HMGXB4: variants seen among roughly 807,000 people sequenced by gnomAD.
HMGXB4 encodes HMG domain-containing protein 4.
In HMGXB4, 27 loss-of-function variants were observed where a neutral mutation model predicts 63.9. The ratio of observed to expected loss-of-function variants is 0.42; its 90% CI spans 0.31 to 0.58. HMGXB4 has a LOEUF of 0.58. Ranked by LOEUF, HMGXB4 falls within the 20% of genes least tolerant of loss-of-function variation. The pLI is 0.13. For missense variants in HMGXB4, 624 were observed against 700.7 expected (o/e 0.89, Z 1.24); for synonymous variants, 264 against 265.3 (o/e 0.99, Z 0.05).
Position 35,284,108 on chromosome 22 carries a change from TTTC to T in HMGXB4, c.1297+72_1297+74del, listed in dbSNP as rs142905921. The T allele has an allele frequency of 2.2e-4, 229 of 1,063,140 alleles. No homozygotes were observed. In the African/African-American group the frequency reaches 3.0e-3, roughly 14 times the overall value. 65.9% of individuals were successfully genotyped at this position (1,063,140 alleles called of 1,614,324 possible). On this transcript the variant is annotated intron_variant, in intron 6 of 10. Coordinates refer to ENST00000216106, the MANE Select transcript of HMGXB4 (RefSeq NM_001003681.3). ...TTATATCTTGAAGCAGTGCGATTAA[TTTC>T]TTCTTCCTGTAGCATTAGAGCATAA...
intron 5 of HMGXB4, 151 bp downstream of exon 5, chr22:35,265,754 T>TA (rs1326663521): frequency 2.7e-6 from 3 of 1,120,660 alleles, no homozygotes; most frequent in Non-Finnish European, 2.4e-6. Flanking sequence ...TATAAAATAT[T>TA]ACCAGTAGCC....
In HMGXB4 at chr22:35,264,932, C is replaced by T. The variant is rs142566578; in HGVS notation, c.544C>T (p.Leu182=). 6.2e-6 allele frequency: 10 copies of T among 1,614,070 alleles called. No individual in the cohort carries two copies. The African/African-American group carries it at 6.7e-5, about 11-fold the overall frequency. ...ACCTCTCTATGTGAACACAGAGACA[C>T]TGACCCTTCGGGAGCCTGATGGTTT... The part of the protein sequence containing the change: ...MKPLYVNTET[L]TLREPDGLKM... The change falls in exon 5 of 11, where the codon CTG becomes TTG. Residue 182 remains leucine (L), a synonymous_variant. Coordinates refer to ENST00000216106, the MANE Select transcript of HMGXB4 (RefSeq NM_001003681.3).
chr22:35,263,150 G>A lies in HMGXB4; in HGVS notation c.104G>A (p.Arg35His), dbSNP rs775566830. The change falls in exon 3 of 11, where the codon CGT becomes CAT. Residue 35 changes from arginine (R) to histidine (H), a missense_variant. Arg to His is a conservative substitution (Grantham distance 29, BLOSUM62 0). Transcript: ENST00000216106. ...AAGRSQREKK[R>H]SYKDFLREEE... ...GGCCGAAGCCAACGAGAGAAAAAACGTTCTTACAAAGATTTTTTAAGGGAA... is the reference window on the plus strand; with the variant it reads ...GGCCGAAGCCAACGAGAGAAAAAACATTCTTACAAAGATTTTTTAAGGGAA... 3 of 1,613,844 alleles carry A rather than the reference G, an allele frequency of 1.9e-6. No individual in the cohort carries two copies. The highest frequency in any genetic ancestry group is 1.1e-5 in the South Asian group (1 of 91,066).
upstream of HMGXB4, among the ~76,000 whole-genome samples, chr22:35,253,108 G>A (rs1363601901): frequency 7.6e-6 from 1 of 132,390 alleles, no homozygotes; most frequent in Non-Finnish European, 1.6e-5. Context: ...CTCCAGCCTG[G>A]GCGACAAGAG....
chr22:35,271,604 C>G (rs1182317861), intron 5 of HMGXB4, among the ~76,000 whole-genome samples: 1 of 152,188 alleles, frequency 6.6e-6, no homozygotes, highest in Non-Finnish European at 1.5e-5. Context: ...TTGAGGATAA[C>G]AGACTTGCTT....
chr22:35,266,335 C>G (rs1923244390), intron 5 of HMGXB4, among the ~76,000 whole-genome samples: 1 of 152,184 alleles, frequency 6.6e-6, no homozygotes, highest in Non-Finnish European at 1.5e-5. Flanking sequence ...TAATGACTTT[C>G]CACCAGCTGG....
chr22:35,279,623 C>T (rs1272966500), intron 5 of HMGXB4, among the ~76,000 whole-genome samples: 1 of 144,212 alleles, frequency 6.9e-6, no homozygotes, highest in African/African-American at 2.6e-5. Flanking sequence ...ACATTTAGGT[C>T]TGAGACTTAT....
chr22:35,280,072 A>T (rs1055681012), intron 5 of HMGXB4, among the ~76,000 whole-genome samples: 1 of 152,190 alleles, frequency 6.6e-6, no homozygotes, highest in Non-Finnish European at 1.5e-5. Context: ...GGTCAGGCCC[A>T]GTCAGGATAA....
intron 1 of HMGXB4, among the ~76,000 whole-genome samples, chr22:35,261,516 C>T (rs1454968109): frequency 6.6e-6 from 1 of 150,890 alleles, no homozygotes; most frequent in African/African-American, 2.4e-5. Flanking sequence ...GACATATAAA[C>T]TCAAATGCCA....
chr22:35,258,872 T>C (rs1253248628), intron 1 of HMGXB4, among the ~76,000 whole-genome samples: 2 of 152,236 alleles, frequency 1.3e-5, no homozygotes, highest in Admixed American at 6.5e-5. Flanking sequence ...AGAATTTCTC[T>C]TACTGTCCGT....
rs1460992561 is a variant in HMGXB4, at chr22:35,264,771, A to G, written c.383A>G (p.Lys128Arg). Residue 128 changes from lysine (K) to arginine (R), a missense_variant, in exon 5 of 11, where the codon AAA (lysine) becomes AGA (arginine). Physicochemically the swap from Lys to Arg is conservative, Grantham distance 26. Coordinates refer to ENST00000216106, the MANE Select transcript of HMGXB4 (RefSeq NM_001003681.3). ...CTGGCAGCAGGCTCCAAGCCCTCCA[A>G]AAAGACTGGGGAGAAATCCTCTGGC... ...SPLAAGSKPSKKTGEKSSGSS... is the reference protein window; with the variant it reads ...SPLAAGSKPSRKTGEKSSGSS... The G allele has an allele frequency of 1.2e-6, 2 of 1,614,112 alleles. No individual in the cohort carries two copies. Among genetic ancestry groups the G allele is most frequent in the Admixed American group, 3.3e-5 (2 of 60,012 alleles).
In HMGXB4 at chr22:35,263,175, A is replaced by G. The variant is rs1368717163; in HGVS notation, c.129A>G (p.Glu43=). ...GTTCTTACAAAGATTTTTTAAGGGA[A>G]GAGGAAGAAATTGCTGCTCAGGTCA... is the stretch of plus-strand genomic sequence containing the variant. The part of the protein sequence containing the change: ...KKRSYKDFLR[E]EEEIAAQVRN... Residue 43 remains glutamate, a synonymous_variant, in exon 3 of 11, where the codon GAA becomes GAG. Transcript: ENST00000216106. The G allele has an allele frequency of 1.9e-6, 3 of 1,614,068 alleles. No individual in the cohort carries two copies. The highest frequency in any genetic ancestry group is 2.7e-5 in the African/African-American group (2 of 74,950).
chr22:35,292,274 AG>A (rs935712544), intron 9 of HMGXB4, among the ~76,000 whole-genome samples: 22 of 152,154 alleles, frequency 1.4e-4, no homozygotes, highest in African/African-American at 5.1e-4. Context: ...CAGCATAGTA[AG>A]CAACTTGCCT....
intron 5 of HMGXB4, among the ~76,000 whole-genome samples, chr22:35,266,564 G>A (rs1228464869): frequency 6.6e-6 from 1 of 152,174 alleles, no homozygotes; most frequent in African/African-American, 2.4e-5. Flanking sequence ...ACAGTTTCTG[G>A]CAGTGAACTT....
At chr22:35,284,140 T>A (rs990626265) in intron 6 of HMGXB4, 97 bp downstream of exon 6, 22 of 878,698 alleles carry the variant, frequency 2.5e-5, no homozygotes, top group Non-Finnish European at 3.7e-5. Context: ...AGCATAAATC[T>A]TGTTTCTTTC....
At chr22:35,264,613 A>T in intron 4 of HMGXB4, 35 bp from the exon 5 acceptor site, 1 of 1,462,140 alleles carries the variant, frequency 6.8e-7, no homozygotes, top group Non-Finnish European at 9.2e-7. Flanking sequence ...GTTGCTTCCC[A>T]TCATATTGAC....
At position 35,290,625 on chromosome 22, in the gene HMGXB4, C is replaced by T. The variant is rs921448784; in HGVS notation, c.1638+2218C>T. 6.4e-5 allele frequency among the ~76,000 whole-genome samples: 9 copies of T among 140,198 alleles called. 1 individual carries two copies. The East Asian group carries it at 1.1e-3, about 17-fold the overall frequency. The allele number at this position is 140,198 out of a possible 152,430, so 92.0% of individuals were successfully genotyped here. ...CAGCCTGGGCGACGGAGCGAGACTC[C>T]GCCTCAAAAAAAAAAAAAAAAAAAA... is the stretch of plus-strand genomic sequence containing the variant. On this transcript the variant is annotated intron_variant, in intron 9 of 10. Transcript: ENST00000216106.
chr22:35,286,953 C>A (rs1254098125), intron 7 of HMGXB4: 1 of 165,094 alleles, frequency 6.1e-6, no homozygotes, highest in Non-Finnish European at 1.3e-5. Flanking sequence ...CCATTCTTCA[C>A]CCAGATTATC....
intron 7 of HMGXB4, among the ~76,000 whole-genome samples, chr22:35,286,419 A>G (rs1222692606): frequency 3.3e-5 from 5 of 152,242 alleles, no homozygotes; most frequent in Non-Finnish European, 7.3e-5. Context: ...GAGGAAAGTT[A>G]TCCACTTAGC....
Sources: allele counts gnomAD v4.1 joint callset (sites outside exome capture counted in the v4.1 genomes callset), GRCh38; gene constraint gnomAD v4.1.1; transcripts MANE v1.5; gene names NCBI Gene and HGNC (gene_info 2026-07-23, HGNC 2026-07-21).